COBL: variants seen among roughly 807,000 people sequenced by gnomAD.
The protein encoded by COBL is protein cordon-bleu.
COBL carries 51 observed loss-of-function variants against 98.8 expected under a neutral mutation model. The observed-to-expected ratio is 0.52, with a 90% CI of 0.41 to 0.65. COBL has a LOEUF of 0.65. COBL is among the 30% of genes least tolerant of loss of function. The pLI is 0.00. For synonymous variants in COBL, 634 were observed against 651.7 expected, an observed-to-expected ratio of 0.97 and a Z score of 0.41; for missense variants, 1,617 against 1,617.5, an observed-to-expected ratio of 1.00 and a Z score of 0.01.
chr7:51,108,830 T>G (rs914245876), intron 6 of COBL, among the ~76,000 whole-genome samples: 2 of 152,034 alleles, frequency 1.3e-5, no homozygotes, highest in Non-Finnish European at 1.5e-5. Flanking sequence ...AGCTCTTGTA[T>G]AGCTCTCCAG....
chr7:51,297,223 A>T (rs1489202373), intron 1 of COBL, among the ~76,000 whole-genome samples: 1 of 152,098 alleles, frequency 6.6e-6, no homozygotes. Context: ...CAATCATAAC[A>T]TGTATAGTCC....
rs184143163 is a variant in COBL at position 51,224,721 on chromosome 7, T to C, written c.42-4777A>G. On this transcript the variant is annotated intron_variant, in intron 1 of 12. Coordinates refer to ENST00000265136, the MANE Select transcript of COBL (RefSeq NM_015198.5). Reference sequence around the variant, plus strand: ...TTTGAGATGGACGGCAATGGCGCAATCTTGGCTCACTGTAACCTCTGCCTC... The same window carrying C: ...TTTGAGATGGACGGCAATGGCGCAACCTTGGCTCACTGTAACCTCTGCCTC... Among the ~76,000 whole-genome samples, 34 of 152,266 alleles carry C rather than the reference T, an allele frequency of 2.2e-4. No homozygotes were observed. In the East Asian group the frequency reaches 4.8e-3, roughly 22 times the overall value.
chr7:51,309,386 C>T (rs971911456), intron 1 of COBL, among the ~76,000 whole-genome samples: 1 of 152,190 alleles, frequency 6.6e-6, no homozygotes, highest in East Asian at 1.9e-4. Flanking sequence ...CAGCCCAGGA[C>T]TCCCGAGGTG....
rs68039377 is a variant in COBL at position 51,156,698 on chromosome 7, TCACACACA to T, written c.784-20375_784-20368del. ...TGTACAGTCAATAAAAAACCACCCTTCACACACACACACACACACACACACACACACAC... is the reference window on the plus strand; with the variant it reads ...TGTACAGTCAATAAAAAACCACCCTTCACACACACACACACACACACACAC... On this transcript the variant is annotated intron_variant, in intron 5 of 12. Transcript: ENST00000265136. The T allele has an allele frequency of 2.9e-3, 502 of 170,212 alleles. 2 individuals carry two copies. Among genetic ancestry groups the T allele is most frequent in the African/African-American group, 0.01 (373 of 36,752 alleles). 10.5% of individuals were successfully genotyped at this position (170,212 alleles called of 1,614,324 possible).
At chr7:51,265,185 C>T (rs1214052702) in intron 1 of COBL, among the ~76,000 whole-genome samples, 1 of 152,220 alleles carries the variant, frequency 6.6e-6, no homozygotes, top group African/African-American at 2.4e-5. Flanking sequence ...TTAACAACCG[C>T]GTGCTCATCT....
In COBL at chr7:51,056,812, A is replaced by AACACACACACACACAC. The variant is rs3047115; in HGVS notation, c.1097-13136_1097-13121dup. 7.2e-4 allele frequency among the ~76,000 whole-genome samples: 104 copies of AACACACACACACACAC among 143,678 alleles called. 2 individuals carry two copies. Among genetic ancestry groups the AACACACACACACACAC allele is most frequent in the South Asian group, 1.4e-3 (6 of 4,244 alleles). The allele number at this position is 143,678 out of a possible 152,430, so 94.3% of individuals were successfully genotyped here. A position where few individuals can be genotyped will look rare whatever the true frequency, so the allele number is the denominator to read the frequency against. ...CTATGCTTGTATACAGTGCTCTCCC[A>AACACACACACACACAC]ACACACACACACACACACACACACA... On this transcript the variant is annotated intron_variant, in intron 7 of 12. Transcript: ENST00000265136.
intron 1 of COBL, among the ~76,000 whole-genome samples, chr7:51,222,869 C>G (rs185691674): frequency 2.0e-4 from 30 of 152,116 alleles, no homozygotes; most frequent in African/African-American, 7.0e-4. Flanking sequence ...TGGAGAGAGT[C>G]GGGAGAGGTT....
At chr7:51,198,634 G>C (rs775725141) in intron 2 of COBL, among the ~76,000 whole-genome samples, 4 of 152,062 alleles carry the variant, frequency 2.6e-5, no homozygotes, top group Non-Finnish European at 5.9e-5. Context: ...TTTTTCCTCT[G>C]ATCTATTCCT....
At chr7:51,304,449 CTA>C (rs1802272837) in intron 1 of COBL, among the ~76,000 whole-genome samples, 1 of 152,174 alleles carries the variant, frequency 6.6e-6, no homozygotes, top group African/African-American at 2.4e-5. Flanking sequence ...TGAATACAAG[CTA>C]TGATTTGTAT....
chr7:51,156,213 A>C (rs1042561138), intron 5 of COBL: 29 of 978,122 alleles, frequency 3.0e-5, no homozygotes, highest in Middle Eastern at 1.1e-3. Context: ...CACACACACA[A>C]AATTTACAAG....
chr7:51,068,419 T>C (rs1028016149), intron 7 of COBL, among the ~76,000 whole-genome samples: 1 of 152,234 alleles, frequency 6.6e-6, no homozygotes, highest in Non-Finnish European at 1.5e-5. Flanking sequence ...ATTTCCCAAT[T>C]AGCTAGAATG....
At chr7:51,184,284 C>T (rs1789272443) in intron 4 of COBL, 85 bp from the exon 5 acceptor site, 1 of 727,538 alleles carries the variant, frequency 1.4e-6, no homozygotes, top group African/African-American at 1.8e-5. Flanking sequence ...ATAAATGAAT[C>T]CTCTACTCTT....
chr7:51,196,149 C>T (rs1323192436), intron 2 of COBL, among the ~76,000 whole-genome samples: 1 of 152,024 alleles, frequency 6.6e-6, no homozygotes, highest in Non-Finnish European at 1.5e-5. Context: ...ATATATGGCT[C>T]TTATTATTTT....
At chr7:51,131,970 A>G (rs906432918) in intron 6 of COBL, among the ~76,000 whole-genome samples, 2 of 152,206 alleles carry the variant, frequency 1.3e-5, no homozygotes, top group African/African-American at 4.8e-5. Context: ...GAAGGTATGG[A>G]ATAGTGAGTA....
chr7:51,079,628 G>A (rs1047372519), intron 7 of COBL, among the ~76,000 whole-genome samples: 4 of 152,336 alleles, frequency 2.6e-5, no homozygotes, highest in African/African-American at 2.4e-5. Flanking sequence ...ATTCCCACTG[G>A]AGGGAGTGAG....
chr7:51,187,730 C>T (rs1291775943), intron 4 of COBL, among the ~76,000 whole-genome samples: 3 of 152,166 alleles, frequency 2.0e-5, no homozygotes, highest in Non-Finnish European at 4.4e-5. Context: ...CTGAACCAAC[C>T]AGGGAATCAA....
rs115979975 is a variant in COBL, at chr7:51,165,818, G to A, written c.783+18284C>T. On this transcript the variant is annotated intron_variant, in intron 5 of 12. Coordinates refer to ENST00000265136, the MANE Select transcript of COBL (RefSeq NM_015198.5). ...ACATATCAGTAATAAGAGGAATTTTGGAAACTATACAAATAATGGGAATTA... is the reference window on the plus strand; with the variant it reads ...ACATATCAGTAATAAGAGGAATTTTAGAAACTATACAAATAATGGGAATTA... Among the ~76,000 whole-genome samples, 475 of 151,932 alleles carry A rather than the reference G, an allele frequency of 3.1e-3. 2 individuals carry two copies. The highest frequency in any genetic ancestry group is 0.011 in the African/African-American group (443 of 41,510).
chr7:51,192,080 A>G (rs1790169128), intron 3 of COBL, among the ~76,000 whole-genome samples: 1 of 152,204 alleles, frequency 6.6e-6, no homozygotes, highest in South Asian at 2.1e-4. Context: ...AGGTATATAC[A>G]GAGATGCTCT....
intron 1 of COBL, among the ~76,000 whole-genome samples, chr7:51,294,124 C>G (rs981410484): frequency 1.3e-5 from 2 of 151,730 alleles, no homozygotes; most frequent in Non-Finnish European, 2.9e-5. Context: ...AACCCCATCT[C>G]TACTAAAAAT....
Sources: allele counts gnomAD v4.1 joint callset (sites outside exome capture counted in the v4.1 genomes callset), GRCh38; gene constraint gnomAD v4.1.1; transcripts MANE v1.5; gene names NCBI Gene and HGNC (gene_info 2026-07-23, HGNC 2026-07-21).